Variants in CORO2A observed in about 807,000 individuals in gnomAD.
CORO2A encodes the protein coronin 2A, also known as coronin-2A.
A neutral mutation model predicts 62.4 loss-of-function variants in CORO2A; 47 were observed. The observed-to-expected ratio is 0.75, with a 90% CI of 0.60 to 0.96. CORO2A has a LOEUF of 0.96. Ranked by LOEUF, CORO2A falls within the 40% of genes least tolerant of loss-of-function variation. CORO2A has a pLI of 0.00. For missense variants in CORO2A, 610 were observed against 684.1 expected (o/e 0.89, Z 1.21); for synonymous variants, 273 against 268.9 (o/e 1.02, Z -0.15).
intron 2 of CORO2A, among the ~76,000 whole-genome samples, chr9:98,140,928 C>T (rs759742735): frequency 2.6e-5 from 4 of 152,048 alleles, no homozygotes; most frequent in Non-Finnish European, 5.9e-5. Flanking sequence ...TAAACAAGAA[C>T]GGTAGATTAC....
intron 1 of CORO2A, among the ~76,000 whole-genome samples, chr9:98,161,067 T>C (rs1295413390): frequency 6.6e-6 from 1 of 152,052 alleles, no homozygotes; most frequent in Non-Finnish European, 1.5e-5. Flanking sequence ...ACTTGTAGAG[T>C]GAACCATGAG....
chr9:98,144,850 G>C (rs567370657), intron 2 of CORO2A, among the ~76,000 whole-genome samples: 1 of 152,196 alleles, frequency 6.6e-6, no homozygotes, highest in South Asian at 2.1e-4. Flanking sequence ...TGAGGGCATG[G>C]AGTCTACTCA....
intron 2 of CORO2A, among the ~76,000 whole-genome samples, chr9:98,153,945 C>T (rs1421617765): frequency 1.3e-5 from 2 of 152,072 alleles, no homozygotes; most frequent in Non-Finnish European, 2.9e-5. Flanking sequence ...TTTTCTCCAT[C>T]TATGGACATG....
intron 2 of CORO2A, among the ~76,000 whole-genome samples, chr9:98,155,007 A>C (rs1827783358): frequency 6.6e-6 from 1 of 152,210 alleles, no homozygotes; most frequent in Non-Finnish European, 1.5e-5. Context: ...TCTTCTTTCC[A>C]AAACAGGTGT....
At chr9:98,178,437 G>A (rs555518112) in intron 1 of CORO2A, among the ~76,000 whole-genome samples, 24 of 152,310 alleles carry the variant, frequency 1.6e-4, no homozygotes, top group African/African-American at 5.8e-4. Context: ...TAAAAACCAC[G>A]TGTCCATTCT....
At chr9:98,174,864 G>T (rs942068258) in intron 1 of CORO2A, among the ~76,000 whole-genome samples, 4 of 152,060 alleles carry the variant, frequency 2.6e-5, no homozygotes, top group Non-Finnish European at 5.9e-5. Flanking sequence ...TGTGAGAGTG[G>T]ACTAATACAG....
At chr9:98,160,622 C>T (rs1366457612) in intron 1 of CORO2A, among the ~76,000 whole-genome samples, 1 of 152,182 alleles carries the variant, frequency 6.6e-6, no homozygotes. Context: ...AGTGGAGGAG[C>T]CACCTTGGGC....
intron 11 of CORO2A, among the ~76,000 whole-genome samples, chr9:98,125,792 A>G (rs565645268): frequency 2.6e-4 from 35 of 133,680 alleles, no homozygotes; most frequent in Admixed American, 9.4e-4. Context: ...ATCCTGGCTC[A>G]CTGCAGCCTC....
Position 98,184,011 on chromosome 9 carries a change from G to C in CORO2A, c.-1+8548C>G, listed in dbSNP as rs183898845. ...ACTAGTTACATAGCATTTACATTGT[G>C]TTAGGCATTGTAAGTGATCTATAGA... is the stretch of plus-strand genomic sequence containing the variant. On this transcript the variant is annotated intron_variant, in intron 1 of 11. Coordinates refer to ENST00000375077, the MANE Select transcript of CORO2A (RefSeq NM_052820.4). Among the ~76,000 whole-genome samples the C allele has an allele frequency of 4.0e-3, 608 of 152,316 alleles. 3 individuals are homozygous for C. Among genetic ancestry groups the C allele is most frequent in the South Asian group, 8.5e-3 (41 of 4,824 alleles).
chr9:98,182,560 C>A (rs753892216), intron 1 of CORO2A, among the ~76,000 whole-genome samples: 1 of 152,206 alleles, frequency 6.6e-6, no homozygotes. Flanking sequence ...TTCCCAAGGG[C>A]CAGGACTCAG....
chr9:98,130,523 G>A (rs1827389895), intron 7 of CORO2A, among the ~76,000 whole-genome samples: 1 of 152,244 alleles, frequency 6.6e-6, no homozygotes, highest in African/African-American at 2.4e-5. Flanking sequence ...CAGAACTGGG[G>A]TGGCCTCAGA....
At chr9:98,156,177 C>A (rs189485738) in intron 2 of CORO2A, among the ~76,000 whole-genome samples, 2 of 151,426 alleles carry the variant, frequency 1.3e-5, no homozygotes, top group Non-Finnish European at 1.5e-5. Context: ...GTAGCTAGGA[C>A]CACAGGCAAA....
chr9:98,180,925 G>A (rs1159796022), intron 1 of CORO2A, among the ~76,000 whole-genome samples: 4 of 152,206 alleles, frequency 2.6e-5, no homozygotes, highest in African/African-American at 4.8e-5. Context: ...TGGTGTGGGG[G>A]CCATGTGATT....
intron 2 of CORO2A, among the ~76,000 whole-genome samples, chr9:98,142,924 C>T (rs933187653): frequency 2.6e-5 from 4 of 151,998 alleles, no homozygotes; most frequent in Non-Finnish European, 5.9e-5. Context: ...AAAGGTTTTA[C>T]GCTGAGGACC....
chr9:98,139,421 A>T lies in CORO2A; in HGVS notation c.202-1733T>A, dbSNP rs982680994. Among the ~76,000 whole-genome samples, 3 of 152,266 alleles carry T rather than the reference A, an allele frequency of 2.0e-5. No homozygotes were observed. In the East Asian group the frequency reaches 5.8e-4, roughly 29 times the overall value. Reference sequence around the variant, plus strand: ...GATGGGTGGATCACCTGATGTCAGGAGTTTGAGACCAGCCTGGTCAATATG... The same window carrying T: ...GATGGGTGGATCACCTGATGTCAGGTGTTTGAGACCAGCCTGGTCAATATG... On this transcript the variant is annotated intron_variant, in intron 2 of 11. Transcript: ENST00000375077.
chr9:98,187,625 G>A (rs1472455533), intron 1 of CORO2A, among the ~76,000 whole-genome samples: 1 of 152,148 alleles, frequency 6.6e-6, no homozygotes, highest in African/African-American at 2.4e-5. Flanking sequence ...ATGTGGTGGA[G>A]GAGGTGAGGG....
chr9:98,136,722 AT>A (rs1268417963), intron 3 of CORO2A, among the ~76,000 whole-genome samples: 1 of 152,232 alleles, frequency 6.6e-6, no homozygotes, highest in Non-Finnish European at 1.5e-5. Context: ...CATCAGAAAA[AT>A]ATCCTACCTT....
intron 2 of CORO2A, among the ~76,000 whole-genome samples, chr9:98,144,991 G>A (rs929884677): frequency 6.6e-6 from 1 of 152,148 alleles, no homozygotes; most frequent in Non-Finnish European, 1.5e-5. Flanking sequence ...AGCAGAGGGA[G>A]AGATGAGAGG....
chr9:98,171,687 T>C (rs1281874566), intron 1 of CORO2A, among the ~76,000 whole-genome samples: 1 of 150,396 alleles, frequency 6.6e-6, no homozygotes, highest in Non-Finnish European at 1.5e-5. Context: ...AGGGGAGGCA[T>C]GGGGTGGAAG....
Sources: allele counts gnomAD v4.1 joint callset (sites outside exome capture counted in the v4.1 genomes callset), GRCh38; gene constraint gnomAD v4.1.1; transcripts MANE v1.5; gene names NCBI Gene and HGNC (gene_info 2026-07-23, HGNC 2026-07-21).